The following NOL10 variants were observed in gnomAD, a reference collection of about 807,000 sequenced individuals.
The protein encoded by NOL10 is H_NH0074G24.1.
NOL10 carries 58 observed loss-of-function variants against 103.5 expected under a neutral mutation model. That is an observed-to-expected ratio of 0.56 (90% CI 0.45 to 0.70). NOL10 has a LOEUF of 0.70. Among genes scored for constraint, NOL10 ranks in the 30% least tolerant of loss-of-function variants. NOL10 has a pLI of 0.00. For missense variants in NOL10, 763 were observed against 807.3 expected, an observed-to-expected ratio of 0.95 and a Z score of 0.67; for synonymous variants, 287 against 282.5, an observed-to-expected ratio of 1.02 and a Z score of -0.16.
intron 9 of NOL10, among the ~76,000 whole-genome samples, chr2:10,659,638 A>G (rs912355684): frequency 2.6e-5 from 4 of 152,150 alleles, no homozygotes; most frequent in Non-Finnish European, 5.9e-5. Flanking sequence ...AGCTGTGATC[A>G]TTCCACTGCG....
At chr2:10,672,960 CTCCG>C (rs1681048334) in intron 5 of NOL10, among the ~76,000 whole-genome samples, 1 of 151,972 alleles carries the variant, frequency 6.6e-6, no homozygotes, top group South Asian at 2.1e-4. Flanking sequence ...GCCACTGCCC[CTCCG>C]GCCTGGGTGA....
intron 19 of NOL10, among the ~76,000 whole-genome samples, chr2:10,587,559 C>T (rs1465882354): frequency 1.3e-5 from 2 of 151,812 alleles, no homozygotes; most frequent in Admixed American, 6.6e-5. Flanking sequence ...GCGTGAGCCA[C>T]CGTGCCCGGC....
At chr2:10,653,858 T>C (rs576366220) in intron 12 of NOL10, among the ~76,000 whole-genome samples, 1 of 152,054 alleles carries the variant, frequency 6.6e-6, no homozygotes, top group East Asian at 1.9e-4. Context: ...AAAGTACTCT[T>C]TGCACAAATG....
At chr2:10,650,928 T>C (rs2148296791) in intron 12 of NOL10, among the ~76,000 whole-genome samples, 1 of 152,294 alleles carries the variant, frequency 6.6e-6, no homozygotes, top group South Asian at 2.1e-4. Flanking sequence ...TCCTTGTGAT[T>C]CCAACCACTG....
intron 11 of NOL10, among the ~76,000 whole-genome samples, chr2:10,655,165 C>T (rs1679754378): frequency 6.7e-6 from 1 of 150,204 alleles, no homozygotes; most frequent in Admixed American, 6.7e-5. Flanking sequence ...CAAGATAGCA[C>T]CACTGCACTC....
intron 3 of NOL10, among the ~76,000 whole-genome samples, chr2:10,681,433 G>A (rs920719335): frequency 2.6e-5 from 4 of 151,834 alleles, no homozygotes; most frequent in African/African-American, 9.7e-5. Flanking sequence ...TGTCTATATT[G>A]AAAAAAAATC....
In NOL10 at chr2:10,577,738, G is replaced by A. The variant is rs1228315207; in HGVS notation, c.1845C>T (p.Asn615=). The change falls in exon 20 of 21, where the codon AAC becomes AAT. Residue 615 remains asparagine, a splice_region_variant and synonymous_variant. Coordinates refer to ENST00000381685, the MANE Select transcript of NOL10 (RefSeq NM_024894.4). The stretch of plus-strand genomic sequence containing the variant: ...TTTTCAAACGATCTTCAAGGGTTTT[G>A]CTATGGGAAATTCAAAAGAATGCCA... The part of the protein sequence containing the change: ...KDSATKQKLM[N]KTLEDRLKIE... 1 of 1,595,310 alleles carries A rather than the reference G, an allele frequency of 6.3e-7. No individual in the cohort carries two copies. Among genetic ancestry groups the A allele is most frequent in the East Asian group, 2.2e-5 (1 of 44,624 alleles).
At chr2:10,606,569 C>CT (rs1268211371) in intron 14 of NOL10, among the ~76,000 whole-genome samples, 1 of 143,470 alleles carries the variant, frequency 7.0e-6, no homozygotes, top group Admixed American at 7.4e-5. Context: ...GATTGGGCCA[C>CT]TGCACTGCAG....
At chr2:10,645,811 G>A (rs1679025251) in intron 12 of NOL10, among the ~76,000 whole-genome samples, 1 of 151,998 alleles carries the variant, frequency 6.6e-6, no homozygotes, top group Non-Finnish European at 1.5e-5. Context: ...TTACAGGCAT[G>A]AGCCACCGCA....
chr2:10,572,911 C>G (rs1199247678), intron 20 of NOL10, among the ~76,000 whole-genome samples: 3 of 152,208 alleles, frequency 2.0e-5, no homozygotes, highest in Admixed American at 6.5e-5. Context: ...GAACTCCTCC[C>G]TACCCCATCC....
chr2:10,638,320 GACGTGACGTGACGTA>G (rs1208502091), intron 13 of NOL10, among the ~76,000 whole-genome samples: 6 of 126,966 alleles, frequency 4.7e-5, no homozygotes, highest in African/African-American at 8.6e-5. Context: ...GACGTGACGT[GACGTGACGTGACGTA>G]ACGTAACGTA....
chr2:10,631,737 T>A (rs1677859562), intron 13 of NOL10, among the ~76,000 whole-genome samples: 1 of 150,650 alleles, frequency 6.6e-6, no homozygotes, highest in Non-Finnish European at 1.5e-5. Context: ...TTTTTTTAGA[T>A]GGAGTTTCGC....
intron 12 of NOL10, 41 bp from the exon 13 acceptor site, chr2:10,644,413 A>G: frequency 7.1e-7 from 1 of 1,407,036 alleles, no homozygotes; most frequent in Non-Finnish European, 9.6e-7. Context: ...GCATAGGAAA[A>G]AGAAAGTACC....
intron 13 of NOL10, among the ~76,000 whole-genome samples, chr2:10,627,875 C>A (rs79344453): frequency 9.0e-5 from 13 of 144,184 alleles, no homozygotes; most frequent in Non-Finnish European, 1.9e-4. Context: ...TATACATGTA[C>A]CCCCTGAATC....
chr2:10,571,783 T>TAA lies in NOL10; in HGVS notation c.*286_*287dup, dbSNP rs3832140. ...TTTCATGGTGTACATTTCACAATAT[T>TAA]AAAAAAACCCCAGCCTGGTTTTCAT... On this transcript the variant is annotated 3_prime_UTR_variant, in exon 21 of 21. Coordinates refer to ENST00000381685, the MANE Select transcript of NOL10 (RefSeq NM_024894.4). 169 of 265,010 alleles carry TAA rather than the reference T, an allele frequency of 6.4e-4. 1 individual carries two copies. The East Asian group carries it at 9.5e-3, about 15-fold the overall frequency. 16.4% of individuals were successfully genotyped at this position (265,010 alleles called of 1,614,324 possible). A position where few individuals can be genotyped will look rare whatever the true frequency, so the allele number is the denominator to read the frequency against.
At position 10,596,258 on chromosome 2, in the gene NOL10, G is replaced by A. The variant is rs1035917815; in HGVS notation, c.1422+4595C>T. On this transcript the variant is annotated intron_variant, in intron 17 of 20. Coordinates refer to ENST00000381685, the MANE Select transcript of NOL10 (RefSeq NM_024894.4). ...GACAAGTTTTCCACAGATGGTGGTG[G>A]GGGGCGGGGGGCGGGCGCGAGGGAG... Among the ~76,000 whole-genome samples the A allele has an allele frequency of 5.8e-5, 8 of 137,692 alleles. 1 individual carries two copies. Among genetic ancestry groups the A allele is most frequent in the African/African-American group, 1.8e-4 (7 of 38,110 alleles). 90.3% of individuals were successfully genotyped at this position (137,692 alleles called of 152,430 possible).
intron 3 of NOL10, among the ~76,000 whole-genome samples, chr2:10,678,853 G>C (rs1416092505): frequency 6.6e-6 from 1 of 152,130 alleles, no homozygotes; most frequent in East Asian, 1.9e-4. Flanking sequence ...CCAGGACTCT[G>C]GACTCTACAA....
chr2:10,616,725 C>T (rs934469373), intron 13 of NOL10, among the ~76,000 whole-genome samples: 6 of 151,330 alleles, frequency 4.0e-5, no homozygotes, highest in Non-Finnish European at 8.8e-5. Flanking sequence ...ATTTTTGTAT[C>T]TTTTGTAGAG....
intron 3 of NOL10, among the ~76,000 whole-genome samples, chr2:10,681,459 T>C (rs1253797947): frequency 6.6e-6 from 1 of 152,224 alleles, no homozygotes; most frequent in Non-Finnish European, 1.5e-5. Context: ...TGGTTGTCTC[T>C]GCATGGGTGG....
Sources: allele counts gnomAD v4.1 joint callset (sites outside exome capture counted in the v4.1 genomes callset), GRCh38; gene constraint gnomAD v4.1.1; transcripts MANE v1.5; gene names NCBI Gene and HGNC (gene_info 2026-07-23, HGNC 2026-07-21).